The following PTCHD4 variants were observed in gnomAD, a reference collection of about 807,000 sequenced individuals.
PTCHD4 encodes the protein patched domain-containing protein 4.
Under a neutral mutation model 58.1 loss-of-function variants are expected in PTCHD4, and 33 were observed. The ratio of observed to expected loss-of-function variants is 0.57; its 90% confidence interval spans 0.43 to 0.76. PTCHD4 has a LOEUF of 0.76. Among genes scored for constraint, PTCHD4 ranks in the 30% least tolerant of loss-of-function variants. PTCHD4 has a pLI of 0.00. For synonymous variants in PTCHD4, 478 were observed against 409.6 expected (o/e 1.17, Z -2.02); for missense variants, 1,058 against 1,027.1 (o/e 1.03, Z -0.41).
At chr6:47,915,722 T>G (rs1765223099) in intron 4 of PTCHD4, among the ~76,000 whole-genome samples, 1 of 152,120 alleles carries the variant, frequency 6.6e-6, no homozygotes, top group African/African-American at 2.4e-5. Context: ...ATTACCATCT[T>G]TATTAGAACC....
intron 1 of PTCHD4, among the ~76,000 whole-genome samples, chr6:48,101,312 AG>A (rs1312161923): frequency 6.6e-6 from 1 of 152,216 alleles, no homozygotes; most frequent in Admixed American, 6.5e-5. Context: ...TATGACACAA[AG>A]TCCCTTTTAC....
intron 4 of PTCHD4, among the ~76,000 whole-genome samples, chr6:47,962,744 A>G (rs929816311): frequency 1.3e-5 from 2 of 152,078 alleles, no homozygotes; most frequent in Non-Finnish European, 2.9e-5. Flanking sequence ...GTCTCGGGCT[A>G]TAAAGAAGTA....
Position 47,863,776 on chromosome 6 carries a change from T to C in PTCHD4, c.*14527A>G, listed in dbSNP as rs1437185089. Among the ~76,000 whole-genome samples, 2 of 151,962 alleles carry C rather than the reference T, an allele frequency of 1.3e-5. No homozygotes were observed. Among genetic ancestry groups the C allele is most frequent in the African/African-American group, 4.8e-5 (2 of 41,412 alleles). On this transcript the variant is annotated 3_prime_UTR_variant, in exon 5 of 5. Coordinates refer to ENST00000339488, the MANE Select transcript of PTCHD4 (RefSeq NM_001384253.1). ...TTTTATACTCTACGCCTTGGTTCCA[T>C]GTTCCTAAATTTTCTTCATGAAAAG...
chr6:48,026,908 A>C (rs1025967451), intron 3 of PTCHD4, among the ~76,000 whole-genome samples: 1 of 90,360 alleles, frequency 1.1e-5, no homozygotes, highest in African/African-American at 4.0e-5. Context: ...CATAACCTCA[A>C]TTTGTCCCAT....
At chr6:47,990,825 TA>T (rs1768256645) in intron 4 of PTCHD4, among the ~76,000 whole-genome samples, 1 of 152,172 alleles carries the variant, frequency 6.6e-6, no homozygotes, top group African/African-American at 2.4e-5. Context: ...CAAGAAGAAC[TA>T]AAACTTGTAG....
intron 4 of PTCHD4, among the ~76,000 whole-genome samples, chr6:47,991,680 G>T (rs1768284605): frequency 6.6e-6 from 1 of 151,802 alleles, no homozygotes; most frequent in African/African-American, 2.4e-5. Flanking sequence ...CATGTAAGTC[G>T]GGAGGAAGTC....
At position 47,905,043 on chromosome 6, in the gene PTCHD4, T is replaced by TCACACACACACACACACA. The variant is rs70999653; in HGVS notation, c.899-25125_899-25108dup. ...AAGAACTAGGAAGAAAATACAGCCATCACACACACACACACACACACACAC... is the reference window on the plus strand; with the variant it reads ...AAGAACTAGGAAGAAAATACAGCCATCACACACACACACACACACACACACACACACACACACACACAC... On this transcript the variant is annotated intron_variant, in intron 4 of 4. Coordinates refer to ENST00000339488, the MANE Select transcript of PTCHD4 (RefSeq NM_001384253.1). Among the ~76,000 whole-genome samples, 125 of 131,664 alleles carry TCACACACACACACACACA rather than the reference T, an allele frequency of 9.5e-4. 1 individual carries two copies. The highest frequency in any genetic ancestry group is 4.0e-3 in the East Asian group (16 of 3,958). 86.4% of individuals were successfully genotyped at this position (131,664 alleles called of 152,430 possible).
intron 3 of PTCHD4, among the ~76,000 whole-genome samples, chr6:48,030,424 T>C (rs1763393573): frequency 6.6e-6 from 1 of 152,154 alleles, no homozygotes; most frequent in Non-Finnish European, 1.5e-5. Flanking sequence ...AATATCTGGC[T>C]ACAACTCTTG....
chr6:48,024,315 G>T (rs1049106895), intron 3 of PTCHD4, among the ~76,000 whole-genome samples: 1 of 152,060 alleles, frequency 6.6e-6, no homozygotes, highest in Non-Finnish European at 1.5e-5. Context: ...GACTCTCTAA[G>T]TAGGGTGTAT....
rs1157807022 is a variant in PTCHD4, at chr6:47,866,424, T to G, written c.*11879A>C. Reference sequence around the variant, plus strand: ...GGTCATTCCAAAGTACAGCAAATTTTGAGAACCACTAGCTTTGTTACTCCT... The same window carrying G: ...GGTCATTCCAAAGTACAGCAAATTTGGAGAACCACTAGCTTTGTTACTCCT... On this transcript the variant is annotated 3_prime_UTR_variant, in exon 5 of 5. Transcript: ENST00000339488. Among the ~76,000 whole-genome samples the G allele has an allele frequency of 7.2e-5, 11 of 151,836 alleles. No individual in the cohort carries two copies. The highest frequency in any genetic ancestry group is 7.2e-4 in the Admixed American group (11 of 15,214).
chr6:48,031,472 T>C (rs958907750), intron 3 of PTCHD4, among the ~76,000 whole-genome samples: 8 of 152,086 alleles, frequency 5.3e-5, no homozygotes, highest in Non-Finnish European at 1.2e-4. Context: ...AAAGAATAAT[T>C]ACTTTCTTTA....
chr6:47,895,908 T>C (rs1360079), intron 4 of PTCHD4, among the ~76,000 whole-genome samples: 2,017 of 152,230 alleles, frequency 0.013, 15 homozygotes, highest in Non-Finnish European at 0.022. Context: ...AGGATTCCAT[T>C]TGGAGTATCA....
intron 1 of PTCHD4, among the ~76,000 whole-genome samples, chr6:48,082,767 C>T (rs926628893): frequency 6.6e-6 from 1 of 152,026 alleles, no homozygotes; most frequent in Admixed American, 6.6e-5. Context: ...ATAAAAATAA[C>T]TAGAGTTCTC....
At chr6:48,017,173 G>A (rs1002384569) in intron 3 of PTCHD4, among the ~76,000 whole-genome samples, 2 of 151,476 alleles carry the variant, frequency 1.3e-5, no homozygotes, top group African/African-American at 2.4e-5. Flanking sequence ...TTATTACCAG[G>A]GTCAAGTATA....
At chr6:48,110,270 A>C (rs949738389) in intron 1 of PTCHD4, among the ~76,000 whole-genome samples, 3 of 152,176 alleles carry the variant, frequency 2.0e-5, no homozygotes, top group Admixed American at 1.3e-4. Context: ...CACACAATTA[A>C]ATACTATTTA....
chr6:47,890,191 A>T (rs1189186562), intron 4 of PTCHD4, among the ~76,000 whole-genome samples: 1 of 151,554 alleles, frequency 6.6e-6, no homozygotes, highest in Non-Finnish European at 1.5e-5. Flanking sequence ...TTGTCAATAC[A>T]CCTAAATTTG....
rs556732279 is a variant in PTCHD4, at chr6:48,024,961, G to C, written c.418-15847C>G. Among the ~76,000 whole-genome samples the C allele has an allele frequency of 3.9e-5, 6 of 152,166 alleles. No homozygotes were observed. In the East Asian group the frequency reaches 1.2e-3, roughly 29 times the overall value. ...CAGATGACATGATTCTACATCACAC[G>C]GTTTCATTTTGTTTTTGCTGCCCCA... is the stretch of plus-strand genomic sequence containing the variant. On this transcript the variant is annotated intron_variant, in intron 3 of 4. Transcript: ENST00000339488.
At chr6:48,078,807 C>T (rs545525769) in intron 1 of PTCHD4, among the ~76,000 whole-genome samples, 1 of 152,220 alleles carries the variant, frequency 6.6e-6, no homozygotes, top group African/African-American at 2.4e-5. Flanking sequence ...ATATTTCTCT[C>T]TTAATGTTTG....
intron 4 of PTCHD4, among the ~76,000 whole-genome samples, chr6:47,995,614 G>A (rs1257987788): frequency 1.3e-5 from 2 of 152,122 alleles, no homozygotes; most frequent in Non-Finnish European, 2.9e-5. Flanking sequence ...TGACCCATAA[G>A]ACAGAAGTTC....
Sources: allele counts gnomAD v4.1 joint callset (sites outside exome capture counted in the v4.1 genomes callset), GRCh38; gene constraint gnomAD v4.1.1; transcripts MANE v1.5; gene names NCBI Gene and HGNC (gene_info 2026-07-23, HGNC 2026-07-21).